SYTL2: variants seen among roughly 807,000 people sequenced by gnomAD.
SYTL2 encodes synaptotagmin like 2, also known as synaptotagmin-like protein 2.
Under a neutral mutation model 198.7 loss-of-function variants are expected in SYTL2, and 165 were observed. The observed-to-expected ratio is 0.83, with a 90% CI of 0.73 to 0.94. The LOEUF (loss-of-function observed/expected upper bound fraction) is 0.94. Among genes scored for constraint, SYTL2 ranks in the 40% least tolerant of loss-of-function variants. SYTL2 has a pLI of 0.00. For missense variants in SYTL2, 2,835 were observed against 2,582.8 expected (o/e 1.10, Z -2.12); for synonymous variants, 966 against 917.7 (o/e 1.05, Z -0.95).
chr11:85,696,566 G>T (rs1466854570), intron 18 of SYTL2, 178 bp from the exon 19 acceptor site: 4 of 607,836 alleles, frequency 6.6e-6, no homozygotes, highest in Admixed American at 5.7e-5. Flanking sequence ...ATGCTGAAAA[G>T]ACTCTGGACC....
At chr11:85,756,244 T>C (rs1189490598) in intron 2 of SYTL2, among the ~76,000 whole-genome samples, 2 of 152,180 alleles carry the variant, frequency 1.3e-5, no homozygotes, top group East Asian at 3.9e-4. Flanking sequence ...GGGGACACTG[T>C]TTAAGGCACA....
chr11:85,787,695 C>CCTTTTTTTTTTTTTT (rs1566023900), intron 1 of SYTL2, among the ~76,000 whole-genome samples: 4 of 102,694 alleles, frequency 3.9e-5, no homozygotes, highest in Admixed American at 1.1e-4. Flanking sequence ...GTTTTTTTTT[C>CCTTTTTTTTTTTTTT]TTTTCCTTTT....
intron 1 of SYTL2, among the ~76,000 whole-genome samples, chr11:85,767,720 T>C (rs2092271293): frequency 6.6e-6 from 1 of 152,196 alleles, no homozygotes; most frequent in Admixed American, 6.5e-5. Context: ...AAAATACCAA[T>C]GCCCAAGTCT....
Position 85,711,250 on chromosome 11 carries a change from A to T in SYTL2, c.5626-18T>A. On this transcript the variant is annotated intron_variant, in intron 12 of 19. Transcript: ENST00000359152. ...TCATCACTCTACAAAACAGCATATAATATGCACAATATTTAAATTCAGAAT... is the reference window on the plus strand; with the variant it reads ...TCATCACTCTACAAAACAGCATATATTATGCACAATATTTAAATTCAGAAT... 1 of 1,605,650 alleles carries T rather than the reference A, an allele frequency of 6.2e-7. No individual in the cohort carries two copies. Among genetic ancestry groups the T allele is most frequent in the Middle Eastern group, 1.7e-4 (1 of 5,898 alleles).
intron 1 of SYTL2, among the ~76,000 whole-genome samples, chr11:85,781,340 A>G (rs2092556920): frequency 6.6e-6 from 1 of 152,144 alleles, no homozygotes; most frequent in Non-Finnish European, 1.5e-5. Context: ...CACCCCCATG[A>G]TTCAATTACC....
intron 8 of SYTL2, among the ~76,000 whole-genome samples, chr11:85,723,362 T>C (rs549051510): frequency 6.6e-6 from 1 of 152,276 alleles, no homozygotes; most frequent in African/African-American, 2.4e-5. Context: ...AAGGGAAGAT[T>C]GTGCATATAA....
In SYTL2 at chr11:85,748,253, A is replaced by T. The variant is rs2091290213; in HGVS notation, c.253+19T>A. The T allele has an allele frequency of 6.2e-7, 1 of 1,606,830 alleles. No homozygotes were observed. The highest frequency in any genetic ancestry group is 8.5e-7 in the Non-Finnish European group (1 of 1,174,886). Reference sequence around the variant, plus strand: ...CCAAACGAATGCTTGTTGTAAATGCACTAGCCAAGTCAACTCACCTGCTAT... The same window carrying T: ...CCAAACGAATGCTTGTTGTAAATGCTCTAGCCAAGTCAACTCACCTGCTAT... On this transcript the variant is annotated intron_variant, in intron 3 of 19. Coordinates refer to ENST00000359152, the MANE Select transcript of SYTL2 (RefSeq NM_206927.4).
rs2092871648 is a variant in SYTL2 at position 85,800,600 on chromosome 11, A to G, written c.-390+10354T>C. 2.0e-5 allele frequency among the ~76,000 whole-genome samples: 3 copies of G among 152,180 alleles called. No homozygotes were observed. The South Asian group carries it at 6.2e-4, about 32-fold the overall frequency. On this transcript the variant is annotated intron_variant, in intron 1 of 19. Transcript: ENST00000359152. ...GGCCCCCAGGAATTTAAAAGGTACA[A>G]CTTACTCCCTATGCACTGAATGTCA... is the stretch of plus-strand genomic sequence containing the variant.
At chr11:85,808,298 C>G (rs1026491231) in intron 1 of SYTL2, among the ~76,000 whole-genome samples, 3 of 152,136 alleles carry the variant, frequency 2.0e-5, no homozygotes, top group Non-Finnish European at 2.9e-5. Flanking sequence ...AACTCCTGAC[C>G]TTGTGATCCA....
At chr11:85,718,178 TCTCC>T (rs2087675456) in intron 10 of SYTL2, 1 of 168,604 alleles carries the variant, frequency 5.9e-6, no homozygotes, top group Admixed American at 5.7e-5. Context: ...CATTTCTGTC[TCTCC>T]CTCAACCAAG....
At chr11:85,702,462 G>A (rs2084473278) in intron 16 of SYTL2, among the ~76,000 whole-genome samples, 1 of 152,144 alleles carries the variant, frequency 6.6e-6, no homozygotes, top group African/African-American at 2.4e-5. Flanking sequence ...TGGGATTAAA[G>A]CTGAGAGCCA....
At chr11:85,780,068 C>A (rs983831383) in intron 1 of SYTL2, among the ~76,000 whole-genome samples, 1 of 152,222 alleles carries the variant, frequency 6.6e-6, no homozygotes. Context: ...GTGACTCACA[C>A]TGGTGAAAGA....
rs760857296 is a variant in SYTL2, at chr11:85,724,777, C to T, written c.4581G>A (p.Lys1527=). Residue 1527 remains lysine, a synonymous_variant, in exon 8 of 20, where the codon AAG becomes AAA. Coordinates refer to ENST00000359152, the MANE Select transcript of SYTL2 (RefSeq NM_206927.4). ...TGGGCTCCTCTGTACTACCTATTAA[C>T]TTTGATGGAGAAAGATTCCCTGTAT... ...ESDTGNLSPS[K]LIGSTEEPRR... 4 of 1,612,900 alleles carry T rather than the reference C, an allele frequency of 2.5e-6. No individual in the cohort carries two copies. The East Asian group carries it at 6.7e-5, about 27-fold the overall frequency.
chr11:85,842,953 G>A, the SYTL2 span, among the ~76,000 whole-genome samples: 1 of 152,174 alleles, frequency 6.6e-6, no homozygotes, highest in Non-Finnish European at 1.5e-5. Context: ...AATACTTTTG[G>A]ATGAAAATTA....
At chr11:85,761,952 C>A (rs2092106705) in intron 1 of SYTL2, among the ~76,000 whole-genome samples, 1 of 152,212 alleles carries the variant, frequency 6.6e-6, no homozygotes, top group Non-Finnish European at 1.5e-5. Context: ...AGCCACCACA[C>A]CCAGCCCAAG....
chr11:85,752,061 T>C (rs2091544279), intron 2 of SYTL2, among the ~76,000 whole-genome samples: 1 of 152,102 alleles, frequency 6.6e-6, no homozygotes, highest in South Asian at 2.1e-4. Flanking sequence ...CTACCCCTTT[T>C]CTCCTTGTGC....
chr11:85,738,717 G>A (rs977519026), intron 4 of SYTL2, among the ~76,000 whole-genome samples: 2 of 152,122 alleles, frequency 1.3e-5, no homozygotes, highest in African/African-American at 4.8e-5. Context: ...CCCTATAGTC[G>A]ATGCTATGCT....
chr11:85,720,944 G>T lies in SYTL2; in HGVS notation c.5342C>A (p.Pro1781His). 1 of 1,612,312 alleles carries T rather than the reference G, an allele frequency of 6.2e-7. No homozygotes were observed. The highest frequency in any genetic ancestry group is 8.5e-7 in the Non-Finnish European group (1 of 1,178,784). The change falls in exon 9 of 20, where the codon CCC becomes CAC. Residue 1781 changes from proline to histidine, a missense_variant. Physicochemically the swap from Pro to His is moderately conservative, Grantham distance 77. Coordinates refer to ENST00000359152, the MANE Select transcript of SYTL2 (RefSeq NM_206927.4). ...WRNPSSSEEE[P>H]SPVLKTLERS... ...TTCCAAAGTTTTCAAAACAGGACTG[G>T]GTTCTTCTTCTGAACCTGTTATAAA...
At chr11:85,696,002 A>G (rs1192166988) in intron 19 of SYTL2, among the ~76,000 whole-genome samples, 181 bp downstream of exon 19, 2 of 152,208 alleles carry the variant, frequency 1.3e-5, no homozygotes, top group African/African-American at 4.8e-5. Context: ...GTTAATCCTC[A>G]TATCTGGAGC....
Sources: gnomAD v4.1 joint callset for allele counts (sites outside exome capture counted in the v4.1 genomes callset) on GRCh38, gnomAD v4.1.1 for gene constraint, MANE v1.5 for transcripts, NCBI Gene and HGNC (gene_info 2026-07-23, HGNC 2026-07-21) for gene names.